The following DLC1 variants were observed in gnomAD, a reference collection of about 807,000 sequenced individuals.
The protein encoded by DLC1 is DLC1 Rho GTPase activating protein.
Under a neutral mutation model 140.3 loss-of-function variants are expected in DLC1, and 54 were observed. The observed-to-expected ratio is 0.38, with a 90% CI of 0.31 to 0.48. The LOEUF (loss-of-function observed/expected upper bound fraction) is 0.48, where lower values mean the gene tolerates loss of function less well. Among genes scored for constraint, DLC1 ranks in the 20% least tolerant of loss-of-function variants. The pLI is 0.96. For missense variants in DLC1, 2,536 were observed against 1,907.0 expected (o/e 1.33, Z -6.14); for synonymous variants, 986 against 728.1 (o/e 1.35, Z -5.70).
chr8:13,597,023 C>T (rs1359890982), intron 1 of DLC1, among the ~76,000 whole-genome samples: 1 of 151,872 alleles, frequency 6.6e-6, no homozygotes, highest in African/African-American at 2.4e-5. Context: ...ACTCTGACGT[C>T]ATCCTGTTCC....
chr8:13,302,425 G>T (rs1832239272), intron 5 of DLC1, among the ~76,000 whole-genome samples: 1 of 152,176 alleles, frequency 6.6e-6, no homozygotes, highest in South Asian at 2.1e-4. Context: ...TCCCTTTGAA[G>T]ATTTCTGTCA....
chr8:13,468,368 C>A (rs1800047277), intron 2 of DLC1, among the ~76,000 whole-genome samples: 1 of 138,540 alleles, frequency 7.2e-6, no homozygotes, highest in East Asian at 2.2e-4. Flanking sequence ...CCTCCCCTCC[C>A]CTCTCCTTTT....
intron 8 of DLC1, among the ~76,000 whole-genome samples, chr8:13,101,796 C>T (rs146440189): frequency 3.3e-5 from 5 of 152,298 alleles, no homozygotes; most frequent in African/African-American, 9.6e-5. Context: ...CACTAAGGAA[C>T]GTCTTTGCTG....
intron 2 of DLC1, among the ~76,000 whole-genome samples, chr8:13,464,192 A>G (rs942216809): frequency 1.2e-4 from 18 of 152,284 alleles, no homozygotes; most frequent in African/African-American, 4.3e-4. Flanking sequence ...TGTCTTCTTA[A>G]TCTGGAGGGC....
intron 12 of DLC1, among the ~76,000 whole-genome samples, chr8:13,093,099 G>A (rs1294886142): frequency 6.6e-6 from 1 of 151,994 alleles, no homozygotes; most frequent in South Asian, 2.1e-4. Flanking sequence ...CGGCTCTAGA[G>A]GATGCCTGCT....
In DLC1 at chr8:13,085,971, G is replaced by C. The variant is rs776787311; in HGVS notation, c.4467-40C>G. 16 of 1,604,196 alleles carry C rather than the reference G, an allele frequency of 1.0e-5. No homozygotes were observed. In the Admixed American group the frequency reaches 1.9e-4, roughly 19 times the overall value. ...AAAGAAAAGCTGATGAATTATTTAA[G>C]TTAGAAAGCATGGAAATAAAATGAG... On this transcript the variant is annotated intron_variant, in intron 17 of 17. Transcript: ENST00000276297.
intron 4 of DLC1, among the ~76,000 whole-genome samples, chr8:13,371,026 T>A (rs1835702602): frequency 6.6e-6 from 1 of 152,146 alleles, no homozygotes; most frequent in Non-Finnish European, 1.5e-5. Context: ...TAAGTATTAT[T>A]GGGGGAAATC....
In DLC1 at chr8:13,085,832, G is replaced by C. The variant is rs775727851; in HGVS notation, c.4566C>G (p.Thr1522=). 6 of 1,614,110 alleles carry C rather than the reference G, an allele frequency of 3.7e-6. No individual in the cohort carries two copies. Among genetic ancestry groups the C allele is most frequent in the Non-Finnish European group, 4.2e-6 (5 of 1,180,012 alleles). Residue 1522 remains threonine (T), a synonymous_variant, in exon 18 of 18, where the codon ACC becomes ACG. Coordinates refer to ENST00000276297, the MANE Select transcript of DLC1 (RefSeq NM_182643.3). The part of the protein sequence containing the change: ...RDSFSNQNTE[T]KDTKSR ...GTGATCACCTAGATTTGGTGTCTTT[G>C]GTTTCAGTGTTCTGGTTACTGAAGG...
chr8:13,433,826 G>A (rs1203352326), intron 2 of DLC1, among the ~76,000 whole-genome samples: 1 of 152,092 alleles, frequency 6.6e-6, no homozygotes, highest in Admixed American at 6.6e-5. Flanking sequence ...ATGTTCCTAA[G>A]GAATCATATT....
rs34321250 is a variant in DLC1, at chr8:13,141,256, C to CAAA, written c.1349-25602_1349-25600dup. ...GGTGACACAGTGCAAGAGTCTGTCT[C>CAAA]AAAAAAAAAAAAAAAAAAAAAAAAA... On this transcript the variant is annotated intron_variant, in intron 5 of 17. Coordinates refer to ENST00000276297, the MANE Select transcript of DLC1 (RefSeq NM_182643.3). Among the ~76,000 whole-genome samples, 213 of 63,756 alleles carry CAAA rather than the reference C, an allele frequency of 3.3e-3. 29 individuals are homozygous for CAAA. Among genetic ancestry groups the CAAA allele is most frequent in the African/African-American group, 0.016 (187 of 11,536 alleles). The allele number at this position is 63,756 out of a possible 152,430, so 41.8% of individuals were successfully genotyped here. A position where few individuals can be genotyped will look rare whatever the true frequency, so the allele number is the denominator to read the frequency against.
At chr8:13,153,489 G>A (rs1824000500) in intron 5 of DLC1, among the ~76,000 whole-genome samples, 1 of 152,198 alleles carries the variant, frequency 6.6e-6, no homozygotes, top group Admixed American at 6.5e-5. Context: ...TCCACAGTGT[G>A]GAAAACGACC....
At chr8:13,504,405 G>T (rs556100430) in intron 1 of DLC1, among the ~76,000 whole-genome samples, 18 of 152,174 alleles carry the variant, frequency 1.2e-4, no homozygotes, top group African/African-American at 4.3e-4. Context: ...GATCACAGGC[G>T]TGAGCCACCG....
intron 5 of DLC1, among the ~76,000 whole-genome samples, chr8:13,293,494 C>G (rs1831838335): frequency 6.6e-6 from 1 of 152,100 alleles, no homozygotes; most frequent in South Asian, 2.1e-4. Context: ...CTGAGATTAG[C>G]TGAATGCCTG....
In DLC1 at chr8:13,095,152, T is replaced by C. The variant is rs1189057751; in HGVS notation, c.3261A>G (p.Thr1087=). The C allele has an allele frequency of 6.2e-7, 1 of 1,614,288 alleles. No homozygotes were observed. Among genetic ancestry groups the C allele is most frequent in the Non-Finnish European group, 8.5e-7 (1 of 1,180,054 alleles). Residue 1087 remains threonine, a synonymous_variant, in exon 11 of 18, where the codon ACA becomes ACG. Coordinates refer to ENST00000276297, the MANE Select transcript of DLC1 (RefSeq NM_182643.3). ...GGATGCTCTGAGGCAACGGTTGTCC[T>C]GTGCGCTGCACGTTGACCGTCAGTG... ...GVPLTVNVQR[T]GQPLPQSIQQ...
chr8:13,552,115 A>G (rs1297149107), intron 1 of DLC1, among the ~76,000 whole-genome samples: 8 of 101,682 alleles, frequency 7.9e-5, no homozygotes, highest in African/African-American at 2.1e-4. Flanking sequence ...AGAGGTGTAT[A>G]TATATATATA....
chr8:13,404,347 C>A (rs889772049), intron 2 of DLC1, among the ~76,000 whole-genome samples: 2 of 152,018 alleles, frequency 1.3e-5, no homozygotes, highest in African/African-American at 4.8e-5. Context: ...TTACTGACTG[C>A]AGGGTTGGAA....
At chr8:13,407,734 A>G (rs1011312890) in intron 2 of DLC1, among the ~76,000 whole-genome samples, 3 of 152,198 alleles carry the variant, frequency 2.0e-5, no homozygotes, top group East Asian at 1.9e-4. Flanking sequence ...TCTGGCCCCT[A>G]TGCTGTCTTC....
intron 5 of DLC1, among the ~76,000 whole-genome samples, chr8:13,165,701 T>A (rs1825059174): frequency 6.6e-6 from 1 of 152,154 alleles, no homozygotes; most frequent in Non-Finnish European, 1.5e-5. Context: ...AATCAAAACA[T>A]CGGCCTCTAC....
chr8:13,180,515 T>C (rs1443275359), intron 5 of DLC1, among the ~76,000 whole-genome samples: 1 of 152,100 alleles, frequency 6.6e-6, no homozygotes, highest in African/African-American at 2.4e-5. Context: ...ACTAAGCACT[T>C]GAAGAAGCCA....
Sources: allele counts gnomAD v4.1 joint callset (sites outside exome capture counted in the v4.1 genomes callset), GRCh38; gene constraint gnomAD v4.1.1; transcripts MANE v1.5; gene names NCBI Gene and HGNC (gene_info 2026-07-23, HGNC 2026-07-21).